Variants in AP3B1 observed in about 807,000 individuals in gnomAD.
AP3B1 encodes AP-3 complex subunit beta-1.
In AP3B1, 61 loss-of-function variants were observed where a neutral mutation model predicts 132.5. The ratio of observed to expected loss-of-function variants is 0.46; its 90% CI spans 0.37 to 0.57. The LOEUF (loss-of-function observed/expected upper bound fraction) is 0.57. AP3B1 is among the 20% of genes least tolerant of loss of function. The pLI, the probability that AP3B1 is intolerant of heterozygous loss-of-function variation, is 0.00. For missense variants in AP3B1, 1,120 were observed against 1,289.4 expected (o/e 0.87, Z 2.01); for synonymous variants, 388 against 438.3 (o/e 0.89, Z 1.43).
intron 7 of AP3B1, among the ~76,000 whole-genome samples, chr5:78,194,772 G>T (rs12654530): frequency 0.041 from 6,219 of 152,164 alleles, 193 homozygotes; most frequent in East Asian, 0.13. Context: ...ATATTTCTAT[G>T]ACAGCATTGT....
intron 7 of AP3B1, among the ~76,000 whole-genome samples, chr5:78,192,508 G>A (rs920358891): frequency 6.6e-6 from 1 of 152,064 alleles, no homozygotes; most frequent in Non-Finnish European, 1.5e-5. Flanking sequence ...CACACATGGT[G>A]GCACACACCT....
intron 1 of AP3B1, among the ~76,000 whole-genome samples, chr5:78,278,625 AG>A (rs771858500): frequency 0.21 from 10,726 of 51,878 alleles, 2,100 homozygotes; most frequent in Middle Eastern, 0.25. Flanking sequence ...AAAAAAAAAA[AG>A]GGGGGGGGGG....
intron 21 of AP3B1, among the ~76,000 whole-genome samples, chr5:78,095,156 G>A (rs1321491023): frequency 2.6e-5 from 4 of 152,058 alleles, no homozygotes; most frequent in Non-Finnish European, 5.9e-5. Context: ...CCTTGGGTAG[G>A]GACAATATTT....
At chr5:78,067,516 CG>C (rs1201152159) in intron 22 of AP3B1, among the ~76,000 whole-genome samples, 1 of 152,294 alleles carries the variant, frequency 6.6e-6, no homozygotes, top group East Asian at 1.9e-4. Flanking sequence ...ATCACATCAT[CG>C]GAAGTAAAAC....
At chr5:78,232,351 C>T (rs750842811) in intron 3 of AP3B1, among the ~76,000 whole-genome samples, 17 of 152,158 alleles carry the variant, frequency 1.1e-4, no homozygotes, top group Non-Finnish European at 1.9e-4. Context: ...TTTTCTTGCT[C>T]AGCCTCTTGC....
intron 22 of AP3B1, among the ~76,000 whole-genome samples, chr5:78,057,802 T>C (rs1748879966): frequency 6.6e-6 from 1 of 152,180 alleles, no homozygotes; most frequent in Non-Finnish European, 1.5e-5. Flanking sequence ...ATTCAACTCT[T>C]CCTGGCCCTA....
intron 2 of AP3B1, among the ~76,000 whole-genome samples, chr5:78,248,783 T>A (rs778670452): frequency 1.1e-4 from 17 of 152,206 alleles, no homozygotes; most frequent in Admixed American, 2.0e-4. Flanking sequence ...CTTTATTTCA[T>A]CTTCGTTCTT....
At chr5:78,239,416 A>C (rs1365107532) in intron 3 of AP3B1, among the ~76,000 whole-genome samples, 1 of 150,390 alleles carries the variant, frequency 6.6e-6, no homozygotes, top group Non-Finnish European at 1.5e-5. Flanking sequence ...GGCTACAGTA[A>C]GCCACGATCA....
intron 1 of AP3B1, among the ~76,000 whole-genome samples, chr5:78,289,796 T>C (rs1372778458): frequency 1.3e-5 from 2 of 152,214 alleles, no homozygotes; most frequent in African/African-American, 2.4e-5. Context: ...AACTGCCTTC[T>C]CGTCTAACAA....
At chr5:78,171,112 T>C (rs1458589937) in intron 11 of AP3B1, among the ~76,000 whole-genome samples, 3 of 152,318 alleles carry the variant, frequency 2.0e-5, no homozygotes, top group East Asian at 3.9e-4. Flanking sequence ...TTGGTACCAG[T>C]ACCATGCTGT....
chr5:78,072,973 G>A (rs1384662031), intron 22 of AP3B1, among the ~76,000 whole-genome samples: 2 of 151,950 alleles, frequency 1.3e-5, no homozygotes, highest in African/African-American at 4.8e-5. Context: ...GCCTGCCTCG[G>A]CCTCCCAAAG....
chr5:78,260,543 G>A (rs1213962881), intron 2 of AP3B1, among the ~76,000 whole-genome samples: 1 of 151,912 alleles, frequency 6.6e-6, no homozygotes, highest in Non-Finnish European at 1.5e-5. Flanking sequence ...GCAGTGAGCT[G>A]AGATCACACC....
rs1200313988 is a variant in AP3B1 at position 78,208,067 on chromosome 5, C to CAGACAG, written c.786+7982_786+7987dup. ...GGAAAACCAAAAGAAAGGAGAGAGACAGACAGAGACAGAGACAGAGAGACA... is the reference window on the plus strand; with the variant it reads ...GGAAAACCAAAAGAAAGGAGAGAGACAGACAGAGACAGAGACAGAGACAGAGAGACA... On this transcript the variant is annotated intron_variant, in intron 7 of 26. Transcript: ENST00000255194. 2.4e-4 allele frequency among the ~76,000 whole-genome samples: 36 copies of CAGACAG among 151,702 alleles called. 1 individual carries two copies. The highest frequency in any genetic ancestry group is 4.9e-4 in the Non-Finnish European group (33 of 67,918).
intron 3 of AP3B1, among the ~76,000 whole-genome samples, chr5:78,235,950 A>T (rs1746859117): frequency 6.6e-6 from 1 of 152,208 alleles, no homozygotes; most frequent in Admixed American, 6.5e-5. Context: ...GAAATTTTGC[A>T]CTTGAGAGGA....
At chr5:78,126,471 C>A (rs1752462021) in intron 17 of AP3B1, among the ~76,000 whole-genome samples, 1 of 132,438 alleles carries the variant, frequency 7.6e-6, no homozygotes, top group African/African-American at 2.9e-5. Flanking sequence ...TGCCCCTGCA[C>A]TGCAGCCTGG....
chr5:78,099,309 T>C (rs1371996969), intron 21 of AP3B1, among the ~76,000 whole-genome samples: 1 of 152,206 alleles, frequency 6.6e-6, no homozygotes, highest in Non-Finnish European at 1.5e-5. Flanking sequence ...AGGTGACTTC[T>C]GAGTTGGGGA....
rs774882416 is a variant in AP3B1, at chr5:78,110,367, G to A, written c.2250-13C>T. 5.6e-6 allele frequency: 9 copies of A among 1,593,150 alleles called. No homozygotes were observed. The highest frequency in any genetic ancestry group is 6.9e-6 in the Non-Finnish European group (8 of 1,165,736). On this transcript the variant is annotated splice_polypyrimidine_tract_variant and intron_variant, in intron 19 of 26. Transcript: ENST00000255194. ...ATCTTCAGAATCACTACACATAATA[G>A]TAAATTTTGAAATATGAACTTTAAC...
chr5:78,284,128 A>T (rs1489522130), intron 1 of AP3B1, among the ~76,000 whole-genome samples: 1 of 152,232 alleles, frequency 6.6e-6, no homozygotes, highest in Non-Finnish European at 1.5e-5. Flanking sequence ...TATCCATTAT[A>T]GTAACTGCTA....
intron 22 of AP3B1, among the ~76,000 whole-genome samples, chr5:78,063,866 A>AT (rs780085092): frequency 3.3e-5 from 5 of 152,250 alleles, no homozygotes; most frequent in Admixed American, 1.3e-4. Flanking sequence ...ACTGAGCTTA[A>AT]TTTTTTTTAA....
Sources: allele counts gnomAD v4.1 joint callset (sites outside exome capture counted in the v4.1 genomes callset), GRCh38; gene constraint gnomAD v4.1.1; transcripts MANE v1.5; gene names NCBI Gene and HGNC (gene_info 2026-07-23, HGNC 2026-07-21).